The following KREMEN1 variants were observed in gnomAD, a reference collection of about 807,000 sequenced individuals.
The protein encoded by KREMEN1 is kringle containing transmembrane protein 1, also known as kremen protein 1.
A neutral mutation model predicts 46.5 loss-of-function variants in KREMEN1; 30 were observed. The observed-to-expected ratio is 0.65, with a 90% CI of 0.48 to 0.88. KREMEN1 has a LOEUF of 0.88. KREMEN1 is among the 40% of genes least tolerant of loss of function. The pLI is 0.00. For missense variants in KREMEN1, 533 were observed against 596.9 expected (o/e 0.89, Z 1.11); for synonymous variants, 214 against 230.6 (o/e 0.93, Z 0.65).
At chr22:29,129,678 A>G (rs1443319967) in intron 5 of KREMEN1, among the ~76,000 whole-genome samples, 1 of 152,128 alleles carries the variant, frequency 6.6e-6, no homozygotes, top group Non-Finnish European at 1.5e-5. Flanking sequence ...AGAAGTACTC[A>G]GGCTGTGTTT....
chr22:29,164,387 G>A (rs1601827482), intron 9 of KREMEN1, among the ~76,000 whole-genome samples: 1 of 152,164 alleles, frequency 6.6e-6, no homozygotes, highest in Admixed American at 6.5e-5. Context: ...TAGTAACAGC[G>A]CCTTGCTATC....
intron 3 of KREMEN1, among the ~76,000 whole-genome samples, chr22:29,114,052 C>T (rs528628198): frequency 5.9e-5 from 9 of 152,034 alleles, no homozygotes; most frequent in African/African-American, 2.2e-4. Context: ...TTGTCCCCCA[C>T]CCACCCCCAC....
chr22:29,091,480 G>T (rs1447052451), intron 1 of KREMEN1, among the ~76,000 whole-genome samples: 2 of 152,120 alleles, frequency 1.3e-5, no homozygotes, highest in South Asian at 4.1e-4. Context: ...TATTTAAGGG[G>T]TACAGTATGA....
chr22:29,087,195 G>A (rs1569313211), intron 1 of KREMEN1, among the ~76,000 whole-genome samples: 1 of 152,150 alleles, frequency 6.6e-6, no homozygotes, highest in Non-Finnish European at 1.5e-5. Context: ...TTAAGATGCT[G>A]TAATTGAATT....
chr22:29,094,649 C>T (rs7286554), intron 2 of KREMEN1, among the ~76,000 whole-genome samples: 1 of 136,692 alleles, frequency 7.3e-6, no homozygotes, highest in Non-Finnish European at 1.6e-5. Context: ...TTTGAGACGG[C>T]GTCTCGCTCT....
intron 1 of KREMEN1, among the ~76,000 whole-genome samples, chr22:29,076,069 G>A (rs1183619350): frequency 1.3e-5 from 2 of 152,156 alleles, no homozygotes; most frequent in Non-Finnish European, 2.9e-5. Context: ...AAGGAGGAGT[G>A]CAACCAGGGC....
chr22:29,089,962 C>G (rs927591833), intron 1 of KREMEN1, among the ~76,000 whole-genome samples: 5 of 152,196 alleles, frequency 3.3e-5, no homozygotes, highest in African/African-American at 1.2e-4. Context: ...ACCATTCCAT[C>G]GTACTCCCTT....
chr22:29,110,068 G>A (rs141970361), intron 3 of KREMEN1, among the ~76,000 whole-genome samples: 227 of 152,226 alleles, frequency 1.5e-3, no homozygotes, highest in Admixed American at 2.4e-3. Flanking sequence ...GCTGTGTAAT[G>A]AGCCATCCCC....
intron 9 of KREMEN1, among the ~76,000 whole-genome samples, chr22:29,162,232 A>G (rs899750633): frequency 2.0e-5 from 3 of 152,228 alleles, no homozygotes; most frequent in African/African-American, 7.2e-5. Context: ...CAGAATTACA[A>G]ACAAAAACCA....
At position 29,142,202 on chromosome 22, in the gene KREMEN1, T is replaced by G. The variant is rs1228457105; in HGVS notation, c.*90T>G. On this transcript the variant is annotated 3_prime_UTR_variant, in exon 9 of 9. Coordinates refer to ENST00000400335, the MANE Select transcript of KREMEN1 (RefSeq NM_001039570.3). Reference sequence around the variant, plus strand: ...CCTGTGGTTCTTCTCTGACAGACTCTTCCCCTCCTCTCCCTCTGCCTCGGC... The same window carrying G: ...CCTGTGGTTCTTCTCTGACAGACTCGTCCCCTCCTCTCCCTCTGCCTCGGC... 19 of 1,433,186 alleles carry G rather than the reference T, an allele frequency of 1.3e-5. No homozygotes were observed. The highest frequency in any genetic ancestry group is 1.5e-5 in the Non-Finnish European group (16 of 1,093,786). The allele number at this position is 1,433,186 out of a possible 1,614,324, so 88.8% of individuals were successfully genotyped here. A position where few individuals can be genotyped will look rare whatever the true frequency, so the allele number is the denominator to read the frequency against.
Position 29,145,999 on chromosome 22 carries a change from T to C in KREMEN1, c.*3887T>C. On this transcript the variant is annotated 3_prime_UTR_variant, in exon 9 of 9. Transcript: ENST00000400335. ...GCCATCACCCAGCCCCGATGCATCC[T>C]GGCACTGCACGCTTACTCTTCACAA... 1.0e-6 allele frequency: 1 copy of C among 985,950 alleles called. No homozygotes were observed. Among genetic ancestry groups the C allele is most frequent in the Non-Finnish European group, 1.2e-6 (1 of 830,046 alleles). The allele number at this position is 985,950 out of a possible 1,614,324, so 61.1% of individuals were successfully genotyped here.
rs2038800706 is a variant in KREMEN1, at chr22:29,143,395, G to A, written c.*1283G>A. The A allele has an allele frequency of 1.0e-6, 1 of 985,260 alleles. No homozygotes were observed. Among genetic ancestry groups the A allele is most frequent in the Non-Finnish European group, 1.2e-6 (1 of 829,968 alleles). 61.0% of individuals were successfully genotyped at this position (985,260 alleles called of 1,614,324 possible). A position where few individuals can be genotyped will look rare whatever the true frequency, so the allele number is the denominator to read the frequency against. ...TTTTTGCCCTTAGGCAGCACTATAT[G>A]AGACATGGGGCCTGTGGTCCTTCCT... On this transcript the variant is annotated 3_prime_UTR_variant, in exon 9 of 9. Coordinates refer to ENST00000400335, the MANE Select transcript of KREMEN1 (RefSeq NM_001039570.3).
In KREMEN1 at chr22:29,073,147, C is replaced by T. The variant is rs1353626517; in HGVS notation, c.17C>T (p.Ala6Val). 5 of 1,113,042 alleles carry T rather than the reference C, an allele frequency of 4.5e-6. No homozygotes were observed. Among genetic ancestry groups the T allele is most frequent in the Admixed American group, 4.8e-5 (1 of 20,792 alleles). The allele number at this position is 1,113,042 out of a possible 1,614,324, so 68.9% of individuals were successfully genotyped here. A position where few individuals can be genotyped will look rare whatever the true frequency, so the allele number is the denominator to read the frequency against. The change falls in exon 1 of 9, where the codon GCC (alanine) becomes GTC (valine). Residue 6 changes from alanine to valine, a missense_variant. By Grantham distance (64) the Ala-to-Val change is moderately conservative. Coordinates refer to ENST00000400335, the MANE Select transcript of KREMEN1 (RefSeq NM_001039570.3). The surrounding 1 kb of genome is among the most constrained non-coding windows in gnomAD (Gnocchi z 4.4). MAPPA[A>V]RLALLSAAAL... Reference sequence around the variant, plus strand: ...TGACGGCCCATGGCGCCGCCAGCCGCCCGCCTCGCCCTGCTCTCCGCCGCG... The same window carrying T: ...TGACGGCCCATGGCGCCGCCAGCCGTCCGCCTCGCCCTGCTCTCCGCCGCG...
At chr22:29,119,216 A>G (rs1463117806) in intron 3 of KREMEN1, among the ~76,000 whole-genome samples, 2 of 152,176 alleles carry the variant, frequency 1.3e-5, no homozygotes, top group Admixed American at 1.3e-4. Flanking sequence ...TTAAAAGGCT[A>G]TAGGTGAACT....
At chr22:29,097,218 G>A (rs761094596) in intron 2 of KREMEN1, among the ~76,000 whole-genome samples, 21 of 152,234 alleles carry the variant, frequency 1.4e-4, no homozygotes, top group Non-Finnish European at 2.6e-4. Flanking sequence ...CCAGTGTTCT[G>A]AGTCTAAATA....
rs1300343729 is a variant in KREMEN1, at chr22:29,073,050, C to T, written c.-81C>T. The T allele has an allele frequency of 1.1e-5, 3 of 262,256 alleles. No individual in the cohort carries two copies. Among genetic ancestry groups the T allele is most frequent in the South Asian group, 1.3e-4 (1 of 7,664 alleles). 16.2% of individuals were successfully genotyped at this position (262,256 alleles called of 1,614,324 possible). ...GCGGGGCTACACTCGGGCCCCGCGTCCTGCTCCCATGGCCGCCCCCGGCTC... is the reference window on the plus strand; with the variant it reads ...GCGGGGCTACACTCGGGCCCCGCGTTCTGCTCCCATGGCCGCCCCCGGCTC... On this transcript the variant is annotated 5_prime_UTR_variant, in exon 1 of 9. Transcript: ENST00000400335. The surrounding 1 kb of genome is among the most constrained non-coding windows in gnomAD (Gnocchi z 4.4).
intron 3 of KREMEN1, 84 bp from the exon 4 acceptor site, chr22:29,121,273 A>G: frequency 6.6e-7 from 1 of 1,526,006 alleles, no homozygotes; most frequent in East Asian, 2.3e-5. Context: ...GCTGAGATGA[A>G]AGTACCTGGC....
intron 1 of KREMEN1, among the ~76,000 whole-genome samples, chr22:29,083,795 G>T (rs1352002969): frequency 6.6e-6 from 1 of 151,852 alleles, no homozygotes; most frequent in African/African-American, 2.4e-5. Flanking sequence ...TTGCGCCACC[G>T]CACTCCAGCT....
At chr22:29,161,295 C>CAGG (rs1279601858) in intron 9 of KREMEN1, among the ~76,000 whole-genome samples, 1 of 151,824 alleles carries the variant, frequency 6.6e-6, no homozygotes, top group East Asian at 1.9e-4. Flanking sequence ...ATCATGAGGT[C>CAGG]AGGAGATCGA....
Sources: allele counts gnomAD v4.1 joint callset (sites outside exome capture counted in the v4.1 genomes callset), GRCh38; gene constraint gnomAD v4.1.1; non-coding constraint Gnocchi (gnomAD v3.1); transcripts MANE v1.5; gene names NCBI Gene and HGNC (gene_info 2026-07-23, HGNC 2026-07-21).